CARMIL1: variants seen among roughly 807,000 people sequenced by gnomAD.
CARMIL1 encodes the protein F-actin-uncapping protein LRRC16A.
In CARMIL1, 90 loss-of-function variants were observed where a neutral mutation model predicts 177.1. The ratio of observed to expected loss-of-function variants is 0.51; its 90% CI spans 0.43 to 0.61. CARMIL1 has a LOEUF of 0.61. Ranked by LOEUF, CARMIL1 falls within the 20% of genes least tolerant of loss-of-function variation. The probability of loss-of-function intolerance (pLI) is 0.00; values close to 1 mark genes in which losing one functional copy is unlikely to be tolerated. For missense variants in CARMIL1, 1,380 were observed against 1,667.0 expected (o/e 0.83, Z 3.00); for synonymous variants, 577 against 606.2 (o/e 0.95, Z 0.71).
At chr6:25,506,530 T>G (rs1366840810) in intron 17 of CARMIL1, among the ~76,000 whole-genome samples, 2 of 147,634 alleles carry the variant, frequency 1.4e-5, no homozygotes, top group Non-Finnish European at 3.0e-5. Flanking sequence ...TGGGAGACAG[T>G]GACTCCGTCT....
At chr6:25,376,135 C>T (rs1037435426) in intron 2 of CARMIL1, among the ~76,000 whole-genome samples, 8 of 152,218 alleles carry the variant, frequency 5.3e-5, no homozygotes, top group African/African-American at 1.9e-4. Context: ...GGCTGGAGTG[C>T]AATGGCACGA....
intron 2 of CARMIL1, among the ~76,000 whole-genome samples, chr6:25,288,145 C>T (rs946343666): frequency 5.9e-5 from 9 of 152,154 alleles, no homozygotes; most frequent in Non-Finnish European, 1.2e-4. Flanking sequence ...CTTAAGCTGG[C>T]GTTCACTGGA....
At chr6:25,473,149 C>T (rs115405717) in intron 11 of CARMIL1, among the ~76,000 whole-genome samples, 2,040 of 152,294 alleles carry the variant, frequency 0.013, 19 homozygotes, top group South Asian at 0.021. Flanking sequence ...AGCTGGAGTA[C>T]ATCTCTCTGA....
intron 2 of CARMIL1, among the ~76,000 whole-genome samples, chr6:25,412,902 A>G (rs1795045148): frequency 6.6e-6 from 1 of 152,186 alleles, no homozygotes; most frequent in South Asian, 2.1e-4. Flanking sequence ...TCTAATTTTG[A>G]AAAGGATTTT....
chr6:25,340,812 G>A lies in CARMIL1; in HGVS notation c.138+55903G>A, dbSNP rs1367889012. Among the ~76,000 whole-genome samples, 6 of 87,642 alleles carry A rather than the reference G, an allele frequency of 6.8e-5. No homozygotes were observed. The East Asian group carries it at 1.2e-3, about 17-fold the overall frequency. 57.5% of individuals were successfully genotyped at this position (87,642 alleles called of 152,430 possible). ...TTTTTTTTTTTTTTTTTTAAGTCGT[G>A]TAAGAATTGCTAAGTGACAGATCAG... On this transcript the variant is annotated intron_variant, in intron 2 of 36. Transcript: ENST00000329474.
At chr6:25,602,068 G>A (rs1421922160) in intron 33 of CARMIL1, among the ~76,000 whole-genome samples, 1 of 152,060 alleles carries the variant, frequency 6.6e-6, no homozygotes, top group Non-Finnish European at 1.5e-5. Context: ...TCTTTTATAT[G>A]GCTTCTAAAC....
intron 2 of CARMIL1, among the ~76,000 whole-genome samples, chr6:25,288,076 C>T (rs953292347): frequency 1.3e-5 from 2 of 152,040 alleles, no homozygotes; most frequent in African/African-American, 2.4e-5. Flanking sequence ...TTCAGGAGCA[C>T]GGAGAGGAAC....
intron 2 of CARMIL1, among the ~76,000 whole-genome samples, chr6:25,329,985 C>G (rs1325410066): frequency 1.3e-5 from 2 of 152,184 alleles, no homozygotes; most frequent in Non-Finnish European, 2.9e-5. Flanking sequence ...GTCAGACATT[C>G]ATTGTTAAAA....
At chr6:25,587,190 CCAAAAA>C (rs1475830967) in intron 31 of CARMIL1, among the ~76,000 whole-genome samples, 1 of 152,026 alleles carries the variant, frequency 6.6e-6, no homozygotes, top group African/African-American at 2.4e-5. Flanking sequence ...CTCTACCACT[CCAAAAA>C]CAAAAACAAA....
chr6:25,378,236 A>G (rs1791184891), intron 2 of CARMIL1, among the ~76,000 whole-genome samples: 1 of 152,216 alleles, frequency 6.6e-6, no homozygotes, highest in Non-Finnish European at 1.5e-5. Flanking sequence ...TCTCATAGCC[A>G]CAGTGTACCA....
At chr6:25,434,956 A>G (rs7761140) in intron 4 of CARMIL1, among the ~76,000 whole-genome samples, 53,300 of 152,018 alleles carry the variant, frequency 0.35, 9,625 homozygotes, top group Middle Eastern at 0.48. Flanking sequence ...GTGTGTGTGT[A>G]TTTTAAAGGT....
intron 36 of CARMIL1, among the ~76,000 whole-genome samples, chr6:25,615,528 G>A (rs3788989): frequency 0.013 from 2,030 of 152,132 alleles, 27 homozygotes; most frequent in African/African-American, 0.037. Context: ...CTTTGAATGC[G>A]TTGTAATGGC....
chr6:25,335,471 A>T (rs1561999600), intron 2 of CARMIL1, among the ~76,000 whole-genome samples: 1 of 152,212 alleles, frequency 6.6e-6, no homozygotes, highest in Non-Finnish European at 1.5e-5. Flanking sequence ...TTAAAAAGAT[A>T]TATTTTCTGT....
At chr6:25,441,377 G>GTC (rs1412220126) in intron 5 of CARMIL1, among the ~76,000 whole-genome samples, 12 of 146,602 alleles carry the variant, frequency 8.2e-5, no homozygotes, top group Non-Finnish European at 7.5e-5. Flanking sequence ...GTGTGTCTAT[G>GTC]TGTGTGTGTG....
intron 2 of CARMIL1, among the ~76,000 whole-genome samples, chr6:25,330,752 C>T (rs1050435893): frequency 1.3e-5 from 2 of 151,950 alleles, no homozygotes; most frequent in African/African-American, 2.4e-5. Flanking sequence ...GATTTACCCC[C>T]TCATTAGGTG....
At chr6:25,390,642 T>C (rs9461152) in intron 2 of CARMIL1, among the ~76,000 whole-genome samples, 23,020 of 152,056 alleles carry the variant, frequency 0.15, 1,868 homozygotes, top group Non-Finnish European at 0.18. Context: ...ATATATGTTT[T>C]AAAAACAACC....
At chr6:25,572,137 T>A (rs533973370) in intron 29 of CARMIL1, among the ~76,000 whole-genome samples, 2 of 152,296 alleles carry the variant, frequency 1.3e-5, no homozygotes, top group African/African-American at 4.8e-5. Flanking sequence ...CAGAAGTATT[T>A]AAGGGAGAAA....
chr6:25,365,978 T>C (rs1408086180), intron 2 of CARMIL1, among the ~76,000 whole-genome samples: 1 of 152,134 alleles, frequency 6.6e-6, no homozygotes, highest in Non-Finnish European at 1.5e-5. Flanking sequence ...CATTCTCTTC[T>C]TTCAGTGTCC....
intron 20 of CARMIL1, among the ~76,000 whole-genome samples, chr6:25,514,605 G>GT (rs1295785042): frequency 8.2e-5 from 12 of 146,518 alleles, no homozygotes; most frequent in African/African-American, 3.0e-4. Flanking sequence ...AATTGTAGAT[G>GT]TATCTTCTGA....
Sources: gnomAD v4.1 joint callset for allele counts (sites outside exome capture counted in the v4.1 genomes callset) on GRCh38, gnomAD v4.1.1 for gene constraint, MANE v1.5 for transcripts, NCBI Gene and HGNC (gene_info 2026-07-23, HGNC 2026-07-21) for gene names.